Variants in STON1 observed in about 807,000 individuals in gnomAD.
STON1 encodes stonin-1.
STON1 carries 79 observed loss-of-function variants against 60.9 expected under a neutral mutation model. The ratio of observed to expected loss-of-function variants is 1.30; its 90% CI spans 1.08 to 1.56. STON1 has a LOEUF of 1.56. Ranked by LOEUF, STON1 falls within the 40% of genes most tolerant of loss-of-function variation. STON1 has a pLI of 0.00. For missense variants in STON1, 1,166 were observed against 858.9 expected (o/e 1.36, Z -4.47); for synonymous variants, 363 against 306.9 (o/e 1.18, Z -1.91).
intron 1 of STON1, among the ~76,000 whole-genome samples, chr2:48,537,886 A>G (rs1247073741): frequency 6.6e-6 from 1 of 151,218 alleles, no homozygotes; most frequent in Non-Finnish European, 1.5e-5. Context: ...AAAAAAAAGG[A>G]AATTGTTCTT....
At chr2:48,576,404 G>C (rs1307384564) in intron 1 of STON1, among the ~76,000 whole-genome samples, 1 of 151,134 alleles carries the variant, frequency 6.6e-6, no homozygotes, top group African/African-American at 2.4e-5. Flanking sequence ...TGGCCAGACT[G>C]GTCTTGAACT....
chr2:48,549,277 T>A (rs1671992621), intron 1 of STON1, among the ~76,000 whole-genome samples: 1 of 152,188 alleles, frequency 6.6e-6, no homozygotes, highest in South Asian at 2.1e-4. Flanking sequence ...TCCATTGCCT[T>A]ATATGATGCT....
At chr2:48,559,181 C>T (rs1672508286) in intron 1 of STON1, among the ~76,000 whole-genome samples, 1 of 152,198 alleles carries the variant, frequency 6.6e-6, no homozygotes, top group African/African-American at 2.4e-5. Flanking sequence ...ATGTACCTGG[C>T]ATTTTACAGA....
intron 1 of STON1, among the ~76,000 whole-genome samples, chr2:48,545,988 A>G (rs1437995147): frequency 6.6e-6 from 1 of 152,192 alleles, no homozygotes; most frequent in African/African-American, 2.4e-5. Flanking sequence ...GGATATGTAT[A>G]TGAAAAACAA....
chr2:48,562,603 T>C (rs1672658394), intron 1 of STON1, among the ~76,000 whole-genome samples: 1 of 152,208 alleles, frequency 6.6e-6, no homozygotes, highest in Non-Finnish European at 1.5e-5. Flanking sequence ...AGATGCTAAG[T>C]AGAAGAAATG....
rs1674851291 is a variant in STON1 at position 48,597,894 on chromosome 2, T to A, written c.*2592T>A. 1 of 152,188 alleles carries A rather than the reference T, an allele frequency of 6.6e-6. No individual in the cohort carries two copies. The highest frequency in any genetic ancestry group is 1.5e-5 in the Non-Finnish European group (1 of 68,036). 9.4% of individuals were successfully genotyped at this position (152,188 alleles called of 1,614,324 possible). A position where few individuals can be genotyped will look rare whatever the true frequency, so the allele number is the denominator to read the frequency against. On this transcript the variant is annotated 3_prime_UTR_variant, in exon 4 of 4. Transcript: ENST00000404752. ...GGGTTCAAATTAAGTAGAACTGCCCTTGCCGGAATAGTGATCTTCAAAAAA... is the reference window on the plus strand; with the variant it reads ...GGGTTCAAATTAAGTAGAACTGCCCATGCCGGAATAGTGATCTTCAAAAAA...
chr2:48,544,724 T>A (rs753329561), intron 1 of STON1, among the ~76,000 whole-genome samples: 17 of 150,938 alleles, frequency 1.1e-4, no homozygotes, highest in Non-Finnish European at 2.1e-4. Context: ...TTTTGTATTT[T>A]TCGTAGAAAC....
intron 1 of STON1, among the ~76,000 whole-genome samples, chr2:48,547,566 C>A (rs1671914488): frequency 6.6e-6 from 1 of 152,148 alleles, no homozygotes; most frequent in Admixed American, 6.6e-5. Context: ...CACCAGGAAA[C>A]AAGTGTGGAA....
chr2:48,544,204 G>A (rs1304535991), intron 1 of STON1, among the ~76,000 whole-genome samples: 1 of 151,978 alleles, frequency 6.6e-6, no homozygotes, highest in African/African-American at 2.4e-5. Context: ...GTGTGTGTCT[G>A]TCTGTCTAGA....
chr2:48,532,254 C>T (rs571173215), intron 1 of STON1, among the ~76,000 whole-genome samples: 134 of 151,848 alleles, frequency 8.8e-4, no homozygotes, highest in Non-Finnish European at 1.5e-3. Flanking sequence ...GAGGTTGAGG[C>T]GGAAGAATCG....
chr2:48,531,377 G>A (rs1293204753), intron 1 of STON1: 1 of 152,178 alleles, frequency 6.6e-6, no homozygotes, highest in Admixed American at 6.6e-5. Flanking sequence ...AATAAAAACA[G>A]CCCTACTTAT....
intron 1 of STON1, among the ~76,000 whole-genome samples, chr2:48,553,871 G>C (rs1008650016): frequency 3.9e-5 from 6 of 152,178 alleles, no homozygotes; most frequent in Non-Finnish European, 5.9e-5. Context: ...GCAGTGACTT[G>C]TTCAAACTTA....
intron 1 of STON1, among the ~76,000 whole-genome samples, chr2:48,534,067 C>T (rs557310434): frequency 6.6e-5 from 10 of 152,160 alleles, no homozygotes; most frequent in African/African-American, 2.2e-4. Flanking sequence ...CTGTGCCTGG[C>T]CTGGGGTTAA....
At chr2:48,568,833 C>T (rs1414471752) in intron 1 of STON1, among the ~76,000 whole-genome samples, 1 of 152,162 alleles carries the variant, frequency 6.6e-6, no homozygotes, top group Non-Finnish European at 1.5e-5. Context: ...GGTGGGCTTG[C>T]TGGAGAAATA....
intron 3 of STON1, among the ~76,000 whole-genome samples, chr2:48,594,951 T>G (rs377622902): frequency 5.3e-5 from 8 of 152,274 alleles, no homozygotes; most frequent in African/African-American, 1.9e-4. Context: ...AGTATACATA[T>G]TCTGTATACA....
chr2:48,565,214 G>T (rs1036764522), intron 1 of STON1, among the ~76,000 whole-genome samples: 3 of 151,388 alleles, frequency 2.0e-5, no homozygotes, highest in Non-Finnish European at 4.4e-5. Context: ...CACCACGCCC[G>T]GCTAATTTTT....
chr2:48,564,516 C>G (rs1173862476), intron 1 of STON1, among the ~76,000 whole-genome samples: 1 of 35,086 alleles, frequency 2.9e-5, no homozygotes, highest in Admixed American at 3.1e-4. Flanking sequence ...TCTTCTTCTT[C>G]TTCTTCTTCT....
At chr2:48,540,972 C>G (rs1671626191) in intron 1 of STON1, among the ~76,000 whole-genome samples, 1 of 152,176 alleles carries the variant, frequency 6.6e-6, no homozygotes, top group Non-Finnish European at 1.5e-5. Context: ...TTTTCCTATA[C>G]AGAGGGATAT....
At chr2:48,535,092 A>C (rs573441465) in intron 1 of STON1, among the ~76,000 whole-genome samples, 55 of 152,226 alleles carry the variant, frequency 3.6e-4, no homozygotes, top group African/African-American at 1.1e-3. Flanking sequence ...AGCTCTGCAG[A>C]TTACAGGGTG....
Sources: allele counts gnomAD v4.1 joint callset (sites outside exome capture counted in the v4.1 genomes callset), GRCh38; gene constraint gnomAD v4.1.1; transcripts MANE v1.5; gene names NCBI Gene and HGNC (gene_info 2026-07-23, HGNC 2026-07-21).